The following DNAH14 variants were observed in gnomAD, a reference collection of about 807,000 sequenced individuals.
The protein encoded by DNAH14 is dynein axonemal heavy chain 14.
Under a neutral mutation model 520.9 loss-of-function variants are expected in DNAH14, and 478 were observed. The observed-to-expected ratio is 0.92, with a 90% CI of 0.85 to 0.99. The LOEUF (loss-of-function observed/expected upper bound fraction) is 0.99, where lower values mean the gene tolerates loss of function less well. Ranked by LOEUF, DNAH14 falls within the 50% of genes least tolerant of loss-of-function variation. The pLI is 0.00. For missense variants in DNAH14, 4,831 were observed against 5,234.5 expected (o/e 0.92, Z 2.38); for synonymous variants, 1,581 against 1,757.2 (o/e 0.90, Z 2.51).
rs1476457035 is a variant in DNAH14, at chr1:225,318,619, T to A, written c.9277T>A (p.Phe3093Ile). ...ANELKSVLPA[F>I]DKAIVALNAL... Reference sequence around the variant, plus strand: ...TGAACTAAAAAGTGTGCTGCCAGCCTTTGACAAGGCAATTGTGGCTCTGAA... The same window carrying A: ...TGAACTAAAAAGTGTGCTGCCAGCCATTGACAAGGCAATTGTGGCTCTGAA... Residue 3093 changes from phenylalanine (F) to isoleucine (I), a missense_variant, in exon 61 of 86, where the codon TTT becomes ATT. Physicochemically the swap from Phe to Ile is conservative, Grantham distance 21. Transcript: ENST00000682510. 2 of 1,548,806 alleles carry A rather than the reference T, an allele frequency of 1.3e-6. No homozygotes were observed. Among genetic ancestry groups the A allele is most frequent in the Non-Finnish European group, 1.7e-6 (2 of 1,145,578 alleles).
intron 36 of DNAH14, among the ~76,000 whole-genome samples, chr1:225,176,787 C>T (rs562870281): frequency 6.6e-6 from 1 of 152,266 alleles, no homozygotes; most frequent in South Asian, 2.1e-4. Context: ...GCCATTATTG[C>T]AAGGCTTCCC....
chr1:225,362,828 A>G (rs929228172), intron 75 of DNAH14, among the ~76,000 whole-genome samples: 3 of 152,182 alleles, frequency 2.0e-5, no homozygotes, highest in African/African-American at 7.2e-5. Context: ...AGAGTTAGTG[A>G]TATATGTTCA....
At chr1:224,999,147 T>G (rs1327049556) in intron 8 of DNAH14, among the ~76,000 whole-genome samples, 1 of 152,158 alleles carries the variant, frequency 6.6e-6, no homozygotes, top group African/African-American at 2.4e-5. Flanking sequence ...GCCTATTATT[T>G]GAAGTGAGTT....
chr1:224,982,201 T>C (rs2062323570), intron 8 of DNAH14, among the ~76,000 whole-genome samples: 1 of 152,206 alleles, frequency 6.6e-6, no homozygotes, highest in Non-Finnish European at 1.5e-5. Context: ...CACAAGTGTA[T>C]TGACTCAGAG....
intron 9 of DNAH14, among the ~76,000 whole-genome samples, chr1:225,005,471 A>C (rs1446006371): frequency 6.6e-6 from 1 of 152,168 alleles, no homozygotes; most frequent in Non-Finnish European, 1.5e-5. Flanking sequence ...ATAGAGATCA[A>C]TTATTATAGT....
At chr1:225,056,169 C>A (rs1469758392) in intron 17 of DNAH14, among the ~76,000 whole-genome samples, 1 of 152,020 alleles carries the variant, frequency 6.6e-6, no homozygotes, top group Non-Finnish European at 1.5e-5. Context: ...AAAAGTGCTC[C>A]TATTTCTCCA....
At chr1:225,357,456 T>C (rs2150520820) in intron 73 of DNAH14, among the ~76,000 whole-genome samples, 1 of 152,288 alleles carries the variant, frequency 6.6e-6, no homozygotes, top group East Asian at 1.9e-4. Context: ...GGAGCATAGA[T>C]TGTCTGCAGT....
chr1:225,356,877 A>T (rs1038328186), intron 73 of DNAH14, among the ~76,000 whole-genome samples: 22 of 152,178 alleles, frequency 1.4e-4, no homozygotes, highest in Non-Finnish European at 1.5e-4. Context: ...GTTCCCAGTG[A>T]TTTTAGTTTA....
At chr1:225,246,275 C>G (rs1054801950) in intron 43 of DNAH14, among the ~76,000 whole-genome samples, 2 of 151,896 alleles carry the variant, frequency 1.3e-5, no homozygotes, top group South Asian at 4.2e-4. Context: ...CCATAAAAAC[C>G]CTAGAAGAAA....
At chr1:225,236,326 T>C (rs1466392274) in intron 42 of DNAH14, among the ~76,000 whole-genome samples, 1 of 152,198 alleles carries the variant, frequency 6.6e-6, no homozygotes, top group East Asian at 1.9e-4. Flanking sequence ...TTACAGGTAG[T>C]TGTGTGGTTT....
At chr1:224,932,003 ATTTTTAG>A (rs2058728077) in intron 1 of DNAH14, among the ~76,000 whole-genome samples, 1 of 152,062 alleles carries the variant, frequency 6.6e-6, no homozygotes, top group African/African-American at 2.4e-5. Context: ...TGGTAATTGT[ATTTTTAG>A]TTTTTTGAGA....
At chr1:225,040,130 G>T (rs1385739817) in intron 12 of DNAH14, among the ~76,000 whole-genome samples, 2 of 151,568 alleles carry the variant, frequency 1.3e-5, no homozygotes, top group Non-Finnish European at 2.9e-5. Context: ...TAGTAGAGAC[G>T]GGGTTTCACC....
At chr1:224,952,628 T>C (rs1052127130) in intron 1 of DNAH14, 42 bp from the exon 2 acceptor site, 54 of 1,101,222 alleles carry the variant, frequency 4.9e-5, no homozygotes, top group Non-Finnish European at 6.3e-5. Context: ...AGCTGTCAGA[T>C]TGTATTGTAT....
chr1:225,301,415 A>G (rs937048225), intron 56 of DNAH14, among the ~76,000 whole-genome samples: 3 of 152,186 alleles, frequency 2.0e-5, no homozygotes, highest in African/African-American at 7.2e-5. Context: ...AACAAGAATC[A>G]TTTCATCCTT....
chr1:225,091,956 A>G (rs2074436068), intron 21 of DNAH14, among the ~76,000 whole-genome samples: 1 of 152,166 alleles, frequency 6.6e-6, no homozygotes. Flanking sequence ...AAAAACCAAC[A>G]AAGATCAAAA....
At chr1:225,391,325 A>G (rs1018487549) in intron 83 of DNAH14, among the ~76,000 whole-genome samples, 2 of 152,194 alleles carry the variant, frequency 1.3e-5, no homozygotes, top group Non-Finnish European at 2.9e-5. Flanking sequence ...TCTGCAAATT[A>G]GCCAGGTGTG....
chr1:225,027,591 A>T (rs2148070196), intron 11 of DNAH14, among the ~76,000 whole-genome samples: 1 of 152,262 alleles, frequency 6.6e-6, no homozygotes, highest in Non-Finnish European at 1.5e-5. Flanking sequence ...AGAGGGAAGC[A>T]GGCATGTTTT....
In DNAH14 at chr1:225,342,853, C is replaced by T. The variant is rs894477329; in HGVS notation, c.10678+2152C>T. Among the ~76,000 whole-genome samples, 12 of 152,048 alleles carry T rather than the reference C, an allele frequency of 7.9e-5. No individual in the cohort carries two copies. In the South Asian group the frequency reaches 1.7e-3, roughly 21 times the overall value. Reference sequence around the variant, plus strand: ...GATGCCATGGGTCCCACCCCCACCCCTCACAGCCTGGGTCCACACTTGCCC... The same window carrying T: ...GATGCCATGGGTCCCACCCCCACCCTTCACAGCCTGGGTCCACACTTGCCC... On this transcript the variant is annotated intron_variant, in intron 69 of 85. Coordinates refer to ENST00000682510, the MANE Select transcript of DNAH14 (RefSeq NM_001367479.1).
chr1:225,353,061 C>A (rs1333945993), intron 72 of DNAH14, among the ~76,000 whole-genome samples: 1 of 152,012 alleles, frequency 6.6e-6, no homozygotes, highest in African/African-American at 2.4e-5. Context: ...TATAACTATA[C>A]CTTCATGTAT....
Sources: gnomAD v4.1 joint callset for allele counts (sites outside exome capture counted in the v4.1 genomes callset) on GRCh38, gnomAD v4.1.1 for gene constraint, MANE v1.5 for transcripts, NCBI Gene and HGNC (gene_info 2026-07-23, HGNC 2026-07-21) for gene names.